SASS6: variants seen among roughly 807,000 people sequenced by gnomAD.
The protein encoded by SASS6 is spindle assembly abnormal protein 6 homolog.
SASS6 carries 59 observed loss-of-function variants against 94.9 expected under a neutral mutation model. The observed-to-expected ratio is 0.62, with a 90% CI of 0.50 to 0.77. The LOEUF (loss-of-function observed/expected upper bound fraction) is 0.77, where lower values mean the gene tolerates loss of function less well. SASS6 is among the 30% of genes least tolerant of loss of function. SASS6 has a pLI of 0.00. For missense variants in SASS6, 698 were observed against 734.1 expected (o/e 0.95, Z 0.57); for synonymous variants, 264 against 270.0 (o/e 0.98, Z 0.22).
chr1:100,094,950 T>C (rs1652013098), intron 14 of SASS6, among the ~76,000 whole-genome samples: 1 of 151,682 alleles, frequency 6.6e-6, no homozygotes, highest in Non-Finnish European at 1.5e-5. Flanking sequence ...AAGTGAAGTT[T>C]ATCCCAAGAA....
At position 100,110,494 on chromosome 1, in the gene SASS6, A is replaced by G; in HGVS notation, c.670-11T>C. ...ATATTGAACCTGTGCCTATGATACA[A>G]TAAAAATACAGTACCAAAATTCAAA... On this transcript the variant is annotated splice_polypyrimidine_tract_variant and intron_variant, in intron 7 of 16. Transcript: ENST00000287482. The G allele has an allele frequency of 6.9e-7, 1 of 1,447,328 alleles. No individual in the cohort carries two copies. The highest frequency in any genetic ancestry group is 9.3e-7 in the Non-Finnish European group (1 of 1,078,742). 89.7% of individuals were successfully genotyped at this position (1,447,328 alleles called of 1,614,324 possible).
rs1001458137 is a variant in SASS6 at position 100,084,505 on chromosome 1, C to G, written c.*823G>C. ...ATTAACATTGAAATCAACCCAAGTTCTGATACTATAAAAATAAATGAATAT... is the reference window on the plus strand; with the variant it reads ...ATTAACATTGAAATCAACCCAAGTTGTGATACTATAAAAATAAATGAATAT... On this transcript the variant is annotated 3_prime_UTR_variant, in exon 17 of 17. Coordinates refer to ENST00000287482, the MANE Select transcript of SASS6 (RefSeq NM_194292.3). The G allele has an allele frequency of 2.6e-5, 4 of 152,058 alleles. No individual in the cohort carries two copies. Among genetic ancestry groups the G allele is most frequent in the Admixed American group, 2.0e-4 (3 of 15,278 alleles). The allele number at this position is 152,058 out of a possible 1,614,324, so 9.4% of individuals were successfully genotyped here.
At chr1:100,130,959 C>T (rs1417295656) in intron 1 of SASS6, among the ~76,000 whole-genome samples, 2 of 152,102 alleles carry the variant, frequency 1.3e-5, no homozygotes, top group Admixed American at 1.3e-4. Flanking sequence ...TTGCTGACCC[C>T]TATTATACAG....
intron 8 of SASS6, among the ~76,000 whole-genome samples, chr1:100,110,003 A>C (rs766576470): frequency 3.3e-5 from 5 of 152,014 alleles, no homozygotes; most frequent in Admixed American, 1.3e-4. Context: ...GTACCCTATG[A>C]AATACAGGTG....
intron 14 of SASS6, among the ~76,000 whole-genome samples, chr1:100,098,383 C>T (rs1264733208): frequency 2.0e-5 from 3 of 151,918 alleles, no homozygotes; most frequent in Non-Finnish European, 4.4e-5. Flanking sequence ...CTGGGCAACA[C>T]AGGGAGATTT....
rs565688314 is a variant in SASS6, at chr1:100,110,319, A to C, written c.834T>G (p.Leu278=). The C allele has an allele frequency of 1.3e-6, 2 of 1,576,276 alleles. No homozygotes were observed. Among genetic ancestry groups the C allele is most frequent in the South Asian group, 2.4e-5 (2 of 84,270 alleles). The change falls in exon 8 of 17, where the codon CTT becomes CTG. Residue 278 remains leucine (L), a synonymous_variant. Transcript: ENST00000287482. ...CTTCAACACCAGAAAGTTTTGCTTT[A>C]AGTTCTCTAATAGTGGAGTCTCCTT... ...KYKGDSTIRE[L]KAKLSGVEEE...
intron 6 of SASS6, among the ~76,000 whole-genome samples, chr1:100,119,605 AGGGCCT>A (rs1466441095): frequency 1.3e-5 from 2 of 152,204 alleles, no homozygotes; most frequent in Non-Finnish European, 2.9e-5. Flanking sequence ...CAGAGGAGGC[AGGGCCT>A]GTGGTAGGTG....
At chr1:100,087,753 GC>G (rs1651412794) in intron 15 of SASS6, among the ~76,000 whole-genome samples, 1 of 152,136 alleles carries the variant, frequency 6.6e-6, no homozygotes, top group Non-Finnish European at 1.5e-5. Flanking sequence ...AAAATGGAGA[GC>G]TTCCAGGGAC....
chr1:100,129,239 A>T (rs930358597), intron 1 of SASS6, among the ~76,000 whole-genome samples: 1 of 147,998 alleles, frequency 6.8e-6, no homozygotes, highest in Admixed American at 6.8e-5. Flanking sequence ...CCTCTCTCTA[A>T]AAAAAAAAAA....
chr1:100,090,948 C>A (rs1370590215), intron 14 of SASS6, among the ~76,000 whole-genome samples: 1 of 152,054 alleles, frequency 6.6e-6, no homozygotes, highest in Non-Finnish European at 1.5e-5. Context: ...AAACTACTGC[C>A]AAGGTCACAG....
chr1:100,132,733 G>A lies in SASS6; in HGVS notation c.65+17C>T. The A allele has an allele frequency of 6.2e-7, 1 of 1,610,070 alleles. No homozygotes were observed. The highest frequency in any genetic ancestry group is 8.5e-7 in the Non-Finnish European group (1 of 1,176,624). ...CCCCAACCGCCACCCGCGGGCACTG[G>A]ATGACGCGGACCTTACCTCTCCTCA... On this transcript the variant is annotated intron_variant, in intron 1 of 16. Coordinates refer to ENST00000287482, the MANE Select transcript of SASS6 (RefSeq NM_194292.3).
intron 7 of SASS6, among the ~76,000 whole-genome samples, chr1:100,116,937 G>A (rs556325067): frequency 3.9e-5 from 6 of 152,144 alleles, no homozygotes; most frequent in Admixed American, 3.9e-4. Flanking sequence ...AAATCATCAA[G>A]CTGTACTCTT....
chr1:100,097,564 C>T (rs553265200), intron 14 of SASS6, among the ~76,000 whole-genome samples: 61 of 152,280 alleles, frequency 4.0e-4, no homozygotes, highest in African/African-American at 1.3e-3. Context: ...GTGGCTCACG[C>T]CTGTAATTCC....
In SASS6 at chr1:100,107,998, G is replaced by T; in HGVS notation, c.868C>A (p.Gln290Lys). The T allele has an allele frequency of 6.3e-7, 1 of 1,592,922 alleles. No individual in the cohort carries two copies. ...GAGAGGACTTCTTGCTTAGTCCGCT[G>T]TAGCTCCTAGAATGGGAAAAGAAAG... is the stretch of plus-strand genomic sequence containing the variant. The part of the protein sequence containing the change: ...AKLSGVEEEL[Q>K]RTKQEVLSLR... The change falls in exon 9 of 17, where the codon CAG (glutamine) becomes AAG (lysine). Residue 290 changes from glutamine (Q) to lysine (K), a missense_variant. Gln to Lys is a moderately conservative substitution (Grantham distance 53). Coordinates refer to ENST00000287482, the MANE Select transcript of SASS6 (RefSeq NM_194292.3).
Position 100,105,900 on chromosome 1 carries a change from ATTAC to A in SASS6, c.1409-1_1411del, listed in dbSNP as rs1652863367. 2 of 1,587,684 alleles carry A rather than the reference ATTAC, an allele frequency of 1.3e-6. No individual in the cohort carries two copies. Among genetic ancestry groups the A allele is most frequent in the African/African-American group, 1.4e-5 (1 of 73,860 alleles). On this transcript the variant is annotated splice_acceptor_variant and coding_sequence_variant, in exon 13 of 17. Transcript: ENST00000287482. LOFTEE classifies it high-confidence loss of function. ...ATTTAGTTCTTTATTTAACCACGTG[ATTAC>A]TTAAATAAAAGAACAAGAAGCAAGG...
At position 100,083,659 on chromosome 1, in the gene SASS6, A is replaced by C. The variant is rs973526835; in HGVS notation, c.*1669T>G. ...CTTTTTGATTATTAACACATGTACA[A>C]TTTTACACTGCAAAACAATTGCAAC... is the stretch of plus-strand genomic sequence containing the variant. On this transcript the variant is annotated 3_prime_UTR_variant, in exon 17 of 17. Coordinates refer to ENST00000287482, the MANE Select transcript of SASS6 (RefSeq NM_194292.3). 3 of 152,088 alleles carry C rather than the reference A, an allele frequency of 2.0e-5. No individual in the cohort carries two copies. The highest frequency in any genetic ancestry group is 2.0e-4 in the Admixed American group (3 of 15,272). The allele number at this position is 152,088 out of a possible 1,614,324, so 9.4% of individuals were successfully genotyped here. A position where few individuals can be genotyped will look rare whatever the true frequency, so the allele number is the denominator to read the frequency against.
rs780615086 is a variant in SASS6 at position 100,125,983 on chromosome 1, C to T, written c.66-41G>A. 55 of 1,013,726 alleles carry T rather than the reference C, an allele frequency of 5.4e-5. No homozygotes were observed. In the Admixed American group the frequency reaches 6.6e-4, roughly 12 times the overall value. 62.8% of individuals were successfully genotyped at this position (1,013,726 alleles called of 1,614,324 possible). Reference sequence around the variant, plus strand: ...TACCCAACCATCAGAAACATTCACACGAAATGAGTTATCACTATCATTTGT... The same window carrying T: ...TACCCAACCATCAGAAACATTCACATGAAATGAGTTATCACTATCATTTGT... On this transcript the variant is annotated intron_variant, in intron 1 of 16. Transcript: ENST00000287482.
chr1:100,104,741 C>T (rs1652760282), intron 13 of SASS6, among the ~76,000 whole-genome samples: 1 of 150,226 alleles, frequency 6.7e-6, no homozygotes, highest in Admixed American at 6.6e-5. Context: ...GCTGGGATTA[C>T]AGGCATGAGC....
Position 100,132,766 on chromosome 1 carries a change from T to C in SASS6, c.49A>G (p.Lys17Glu). 2.5e-6 allele frequency: 4 copies of C among 1,614,014 alleles called. No homozygotes were observed. The highest frequency in any genetic ancestry group is 3.4e-6 in the Non-Finnish European group (4 of 1,179,908). Reference protein sequence around the residue: ...HQLVPLQVKCKDCEERRVSIR... With the variant: ...HQLVPLQVKCEDCEERRVSIR... ...GGACCTTACCTCTCCTCACAGTCTT[T>C]GCATTTCACCTGCAACGGGACTAGT... The change falls in exon 1 of 17, where the codon AAA becomes GAA. Residue 17 changes from lysine to glutamate, a missense_variant. Lys to Glu is a moderately conservative substitution (Grantham distance 56, BLOSUM62 1). Transcript: ENST00000287482.
Sources: gnomAD v4.1 joint callset for allele counts (sites outside exome capture counted in the v4.1 genomes callset) on GRCh38, gnomAD v4.1.1 for gene constraint, MANE v1.5 for transcripts, NCBI Gene and HGNC (gene_info 2026-07-23, HGNC 2026-07-21) for gene names.